ARHGEF26: variants seen among roughly 807,000 people sequenced by gnomAD.
ARHGEF26 encodes Rho guanine nucleotide exchange factor (GEF) 26.
A neutral mutation model predicts 89.4 loss-of-function variants in ARHGEF26; 59 were observed. The ratio of observed to expected loss-of-function variants is 0.66; its 90% confidence interval spans 0.54 to 0.82. ARHGEF26 has a LOEUF of 0.82. Among genes scored for constraint, ARHGEF26 ranks in the 40% least tolerant of loss-of-function variants. The probability of loss-of-function intolerance (pLI) is 0.00; values close to 1 mark genes in which losing one functional copy is unlikely to be tolerated. For synonymous variants in ARHGEF26, 500 were observed against 428.4 expected (o/e 1.17, Z -2.06); for missense variants, 1,234 against 1,085.6 (o/e 1.14, Z -1.92).
chr3:154,195,078 G>T (rs992889992), intron 9 of ARHGEF26, among the ~76,000 whole-genome samples: 1 of 152,166 alleles, frequency 6.6e-6, no homozygotes, highest in African/African-American at 2.4e-5. Flanking sequence ...CACTGTGCTC[G>T]TGGAATGTGC....
intron 10 of ARHGEF26, among the ~76,000 whole-genome samples, chr3:154,219,117 C>T (rs1715958746): frequency 6.6e-6 from 1 of 152,166 alleles, no homozygotes; most frequent in Non-Finnish European, 1.5e-5. Flanking sequence ...AATTAAAAAA[C>T]CCATCTTTCT....
chr3:154,122,847 AG>A lies in ARHGEF26; in HGVS notation c.857del (p.Gly286GlufsTer59). 1 of 1,612,874 alleles carries A rather than the reference AG, an allele frequency of 6.2e-7. No homozygotes were observed. The highest frequency in any genetic ancestry group is 1.7e-5 in the Admixed American group (1 of 59,842). ...LKVRSMVEGLGGPLGHAGEES... is the reference protein window; with the variant it reads ...LKVRSMVEGLXGPLGHAGEES... ...AGGTGCGCAGCATGGTGGAGGGCCT[AG>A]GAGGACCCCTGGGTCACGCAGGGGA... On this transcript the variant is annotated frameshift_variant, in exon 2 of 15. Transcript: ENST00000465093. LOFTEE classifies it high-confidence loss of function.
intron 10 of ARHGEF26, among the ~76,000 whole-genome samples, chr3:154,219,402 C>T (rs905000011): frequency 6.6e-6 from 1 of 151,960 alleles, no homozygotes; most frequent in East Asian, 1.9e-4. Context: ...CGAGAGCAGC[C>T]TGACCAACGT....
At chr3:154,164,886 C>T (rs1049111026) in intron 6 of ARHGEF26, among the ~76,000 whole-genome samples, 6 of 152,100 alleles carry the variant, frequency 3.9e-5, no homozygotes, top group African/African-American at 1.4e-4. Context: ...CCTCAGCAAG[C>T]GTTCTTACAA....
intron 9 of ARHGEF26, among the ~76,000 whole-genome samples, chr3:154,201,526 G>A (rs1559894652): frequency 6.6e-6 from 1 of 152,126 alleles, no homozygotes; most frequent in African/African-American, 2.4e-5. Context: ...CCCAGTAATG[G>A]GATGGCTGGG....
chr3:154,251,590 A>AGG (rs1321208315), intron 12 of ARHGEF26, among the ~76,000 whole-genome samples: 3 of 152,222 alleles, frequency 2.0e-5, no homozygotes, highest in Non-Finnish European at 4.4e-5. Flanking sequence ...AATTGTGCAG[A>AGG]GGGGTGCCCT....
In ARHGEF26 at chr3:154,129,581, T is replaced by A; in HGVS notation, c.1131T>A (p.Ala377=). The change falls in exon 4 of 15, where the codon GCT becomes GCA. Residue 377 remains alanine, a synonymous_variant. Coordinates refer to ENST00000465093, the MANE Select transcript of ARHGEF26 (RefSeq NM_015595.4). ...GGCCTTGTTTTCTTGCAGAAAATGC[T>A]GTCCTGTATCAAAACTACAAGGAAA... is the stretch of plus-strand genomic sequence containing the variant. ...GQGTFDGEEN[A]VLYQNYKEKA... is the part of the protein sequence containing the mutation. The A allele has an allele frequency of 6.2e-7, 1 of 1,611,528 alleles. No individual in the cohort carries two copies. The highest frequency in any genetic ancestry group is 1.3e-5 in the African/African-American group (1 of 75,038).
At chr3:154,248,015 C>T (rs899800611) in intron 12 of ARHGEF26, among the ~76,000 whole-genome samples, 11 of 152,204 alleles carry the variant, frequency 7.2e-5, no homozygotes, top group African/African-American at 2.2e-4. Flanking sequence ...GAAGCACAGA[C>T]AGCTGCAGCT....
intron 12 of ARHGEF26, among the ~76,000 whole-genome samples, chr3:154,248,365 A>G (rs1371594550): frequency 6.6e-6 from 1 of 152,190 alleles, no homozygotes; most frequent in Non-Finnish European, 1.5e-5. Context: ...TAATGATTTA[A>G]TTAACAACAG....
At chr3:154,226,660 T>TACACACACACACACACAC (rs3029724) in intron 11 of ARHGEF26, among the ~76,000 whole-genome samples, 326 of 148,138 alleles carry the variant, frequency 2.2e-3, no homozygotes, top group Middle Eastern at 0.01. Flanking sequence ...GTTTCTGTTC[T>TACACACACACACACACAC]ACACACACAC....
chr3:154,215,395 T>C (rs1009976806), intron 9 of ARHGEF26, among the ~76,000 whole-genome samples: 2 of 149,584 alleles, frequency 1.3e-5, no homozygotes, highest in Non-Finnish European at 3.0e-5. Context: ...TCTCAGTCTG[T>C]GATTTTTTTT....
intron 4 of ARHGEF26, among the ~76,000 whole-genome samples, chr3:154,146,165 C>CA (rs1367911117): frequency 6.6e-6 from 1 of 152,190 alleles, no homozygotes; most frequent in Non-Finnish European, 1.5e-5. Flanking sequence ...TGGTGTTTGG[C>CA]AAGGGGCTGC....
Position 154,122,418 on chromosome 3 carries a change from G to A in ARHGEF26, c.426G>A (p.Pro142=), listed in dbSNP as rs766252685. 40 of 1,610,702 alleles carry A rather than the reference G, an allele frequency of 2.5e-5. 1 individual carries two copies. The East Asian group carries it at 5.6e-4, about 22-fold the overall frequency. ...AVTLPAPPPP[P]VLRPPRTPNA... Reference sequence around the variant, plus strand: ...CCTTGCCTGCGCCGCCGCCGCCGCCGGTTCTGCGCCCCCCGCGGACTCCTA... The same window carrying A: ...CCTTGCCTGCGCCGCCGCCGCCGCCAGTTCTGCGCCCCCCGCGGACTCCTA... Residue 142 remains proline (P), a synonymous_variant, in exon 2 of 15, where the codon CCG becomes CCA. Transcript: ENST00000465093.
rs187009511 is a variant in ARHGEF26, at chr3:154,210,633, C to T, written c.1846-7236C>T. ...CCTGGCCGCCAATTGCATTTGGCGCCAGGGTATGTCTACAAACGTTGTCTG... is the reference window on the plus strand; with the variant it reads ...CCTGGCCGCCAATTGCATTTGGCGCTAGGGTATGTCTACAAACGTTGTCTG... On this transcript the variant is annotated intron_variant, in intron 9 of 14. Transcript: ENST00000465093. Among the ~76,000 whole-genome samples, 153 of 151,846 alleles carry T rather than the reference C, an allele frequency of 1.0e-3. 1 individual carries two copies. Among genetic ancestry groups the T allele is most frequent in the Non-Finnish European group, 1.9e-3 (132 of 67,936 alleles).
At chr3:154,193,075 AAAGCTATAG>A (rs1254035403) in intron 8 of ARHGEF26, among the ~76,000 whole-genome samples, 1 of 152,108 alleles carries the variant, frequency 6.6e-6, no homozygotes, top group East Asian at 1.9e-4. Flanking sequence ...GATTCTGAGT[AAAGCTATAG>A]CTTTTCTTCC....
chr3:154,122,449 C>G lies in ARHGEF26; in HGVS notation c.457C>G (p.Pro153Ala). The change falls in exon 2 of 15, where the codon CCC becomes GCC. Residue 153 changes from proline to alanine, a missense_variant. Coordinates refer to ENST00000465093, the MANE Select transcript of ARHGEF26 (RefSeq NM_015595.4). ...VLRPPRTPNAPAPCTPEEDLT... is the reference protein window; with the variant it reads ...VLRPPRTPNAAAPCTPEEDLT... ...GCGCCCCCCGCGGACTCCTAACGCG[C>G]CCGCCCCCTGCACCCCCGAGGAGGA... 1 of 1,612,004 alleles carries G rather than the reference C, an allele frequency of 6.2e-7. No individual in the cohort carries two copies. Among genetic ancestry groups the G allele is most frequent in the Non-Finnish European group, 8.5e-7 (1 of 1,179,544 alleles).
chr3:154,156,194 G>C (rs1720330075), intron 6 of ARHGEF26, among the ~76,000 whole-genome samples: 1 of 152,018 alleles, frequency 6.6e-6, no homozygotes, highest in Non-Finnish European at 1.5e-5. Context: ...GAATAAAACA[G>C]GGGAGGTCAC....
In ARHGEF26 at chr3:154,256,481, C is replaced by G; in HGVS notation, c.*1008C>G. 1 of 919,778 alleles carries G rather than the reference C, an allele frequency of 1.1e-6. No individual in the cohort carries two copies. The highest frequency in any genetic ancestry group is 1.3e-6 in the Non-Finnish European group (1 of 772,128). The allele number at this position is 919,778 out of a possible 1,614,324, so 57.0% of individuals were successfully genotyped here. On this transcript the variant is annotated 3_prime_UTR_variant, in exon 15 of 15. Coordinates refer to ENST00000465093, the MANE Select transcript of ARHGEF26 (RefSeq NM_015595.4). ...TCAAGTGATCCACCAGAGAGGAGATCCTCGGCCTCCCCAAGTGCTGGGATT... is the reference window on the plus strand; with the variant it reads ...TCAAGTGATCCACCAGAGAGGAGATGCTCGGCCTCCCCAAGTGCTGGGATT...
intron 6 of ARHGEF26, among the ~76,000 whole-genome samples, chr3:154,174,470 C>G (rs1489636904): frequency 6.6e-6 from 1 of 152,152 alleles, no homozygotes; most frequent in African/African-American, 2.4e-5. Context: ...TCAGGTGGCA[C>G]TCTTGAAGTT....
Sources: gnomAD v4.1 joint callset for allele counts (sites outside exome capture counted in the v4.1 genomes callset) on GRCh38, gnomAD v4.1.1 for gene constraint, MANE v1.5 for transcripts, NCBI Gene and HGNC (gene_info 2026-07-23, HGNC 2026-07-21) for gene names.